Variants in DCC observed in about 807,000 individuals in gnomAD.
DCC encodes the protein DCC netrin 1 receptor.
Under a neutral mutation model 172.5 loss-of-function variants are expected in DCC, and 58 were observed. That is an observed-to-expected ratio of 0.34 (90% CI 0.27 to 0.42). The LOEUF (loss-of-function observed/expected upper bound fraction) is 0.42. Ranked by LOEUF, DCC falls within the 10% of genes least tolerant of loss-of-function variation. DCC has a pLI of 1.00. For missense variants in DCC, 1,740 were observed against 1,791.0 expected (o/e 0.97, Z 0.51); for synonymous variants, 709 against 644.5 (o/e 1.10, Z -1.52).
At chr18:52,658,927 G>A (rs140850140) in intron 1 of DCC, among the ~76,000 whole-genome samples, 340 of 152,258 alleles carry the variant, frequency 2.2e-3, no homozygotes, top group African/African-American at 7.8e-3. Context: ...ATCAGAATTT[G>A]TCATTCAATA....
chr18:53,519,730 A>G (rs1373652671), intron 27 of DCC, among the ~76,000 whole-genome samples: 2 of 151,586 alleles, frequency 1.3e-5, no homozygotes, highest in African/African-American at 2.4e-5. Context: ...GTTTAGGCCA[A>G]TTGTCAGTGT....
intron 25 of DCC, among the ~76,000 whole-genome samples, chr18:53,475,809 G>C (rs1192653126): frequency 1.3e-5 from 2 of 152,192 alleles, no homozygotes; most frequent in Non-Finnish European, 1.5e-5. Context: ...TCCAGACTCT[G>C]TAATGGTAGA....
chr18:52,954,654 C>T (rs1280411968), intron 5 of DCC, among the ~76,000 whole-genome samples: 1 of 152,044 alleles, frequency 6.6e-6, no homozygotes, highest in Non-Finnish European at 1.5e-5. Context: ...AAAGCTATTG[C>T]CAAATTTCTT....
chr18:53,048,633 A>T (rs1381533300), intron 5 of DCC, among the ~76,000 whole-genome samples: 1 of 149,920 alleles, frequency 6.7e-6, no homozygotes, highest in Non-Finnish European at 1.5e-5. Flanking sequence ...GATAAAGAAA[A>T]TGTGATATAT....
At chr18:53,507,079 T>C (rs2046189249) in intron 27 of DCC, among the ~76,000 whole-genome samples, 1 of 141,046 alleles carries the variant, frequency 7.1e-6, no homozygotes, top group African/African-American at 2.5e-5. Context: ...TATTCTCCCT[T>C]TCTCCTTTTT....
chr18:53,140,963 G>C (rs954143633), intron 7 of DCC, among the ~76,000 whole-genome samples: 21 of 152,108 alleles, frequency 1.4e-4, no homozygotes, highest in African/African-American at 5.1e-4. Flanking sequence ...AATAAACTCA[G>C]CGAGAAATTT....
At chr18:53,105,666 A>G (rs562745789) in intron 7 of DCC, among the ~76,000 whole-genome samples, 1 of 151,884 alleles carries the variant, frequency 6.6e-6, no homozygotes, top group Non-Finnish European at 1.5e-5. Context: ...TCACATTATA[A>G]GCTAAGTTAC....
chr18:52,870,890 C>T (rs1414696129), intron 2 of DCC, among the ~76,000 whole-genome samples: 1 of 152,108 alleles, frequency 6.6e-6, no homozygotes, highest in Non-Finnish European at 1.5e-5. Flanking sequence ...AGCTTCATAT[C>T]ACTTAGGCTC....
intron 16 of DCC, among the ~76,000 whole-genome samples, chr18:53,390,560 T>G (rs1018727635): frequency 2.6e-5 from 4 of 152,200 alleles, no homozygotes; most frequent in Non-Finnish European, 5.9e-5. Context: ...TCACATATTA[T>G]TTTTCTTAGA....
intron 1 of DCC, among the ~76,000 whole-genome samples, chr18:52,493,065 G>A (rs59089784): frequency 0.12 from 18,007 of 152,098 alleles, 1,129 homozygotes; most frequent in South Asian, 0.17. Context: ...ACATAAATGT[G>A]TCAGATTAGA....
At chr18:53,295,007 A>G (rs756204951) in intron 12 of DCC, among the ~76,000 whole-genome samples, 41 of 152,316 alleles carry the variant, frequency 2.7e-4, no homozygotes, top group Non-Finnish European at 2.9e-4. Context: ...TTAACAAAGT[A>G]ACATTTCTTG....
intron 12 of DCC, among the ~76,000 whole-genome samples, chr18:53,284,088 T>C (rs923220695): frequency 6.6e-6 from 1 of 152,176 alleles, no homozygotes; most frequent in Non-Finnish European, 1.5e-5. Flanking sequence ...AACCATTCAT[T>C]TGCACGTGGC....
intron 5 of DCC, among the ~76,000 whole-genome samples, chr18:52,992,263 C>T (rs774873718): frequency 1.3e-5 from 2 of 152,130 alleles, no homozygotes; most frequent in East Asian, 1.9e-4. Flanking sequence ...GGAGCTCCCC[C>T]AAGTGTTTGC....
At chr18:53,098,254 T>C (rs1372494102) in intron 7 of DCC, among the ~76,000 whole-genome samples, 2 of 152,256 alleles carry the variant, frequency 1.3e-5, no homozygotes, top group African/African-American at 4.8e-5. Context: ...GCAAGAATAC[T>C]ACAAAAGTTG....
chr18:53,430,469 A>T (rs1025623599), intron 21 of DCC, among the ~76,000 whole-genome samples: 1 of 152,154 alleles, frequency 6.6e-6, no homozygotes, highest in Non-Finnish European at 1.5e-5. Flanking sequence ...TCACACAGAA[A>T]AACTAGACTC....
chr18:53,417,451 T>TGA (rs1555668727), intron 21 of DCC, among the ~76,000 whole-genome samples: 1 of 151,902 alleles, frequency 6.6e-6, no homozygotes, highest in Non-Finnish European at 1.5e-5. Flanking sequence ...ATGAGATTTG[T>TGA]AAAAAATATT....
At chr18:52,369,633 T>C (rs1202496579) in intron 1 of DCC, among the ~76,000 whole-genome samples, 1 of 151,910 alleles carries the variant, frequency 6.6e-6, no homozygotes, top group Admixed American at 6.6e-5. Context: ...GTTACATTTA[T>C]TTTTTTCTTT....
intron 5 of DCC, among the ~76,000 whole-genome samples, chr18:52,960,117 A>G (rs2040818515): frequency 6.6e-6 from 1 of 152,026 alleles, no homozygotes. Context: ...CACACACAAT[A>G]TAGCTACTCA....
chr18:52,661,417 G>A (rs117896421), intron 1 of DCC, among the ~76,000 whole-genome samples: 1 of 152,334 alleles, frequency 6.6e-6, no homozygotes, highest in East Asian at 1.9e-4. Flanking sequence ...AGAAACAGTT[G>A]AGAGTGGGGC....
Sources: gnomAD v4.1 joint callset for allele counts (sites outside exome capture counted in the v4.1 genomes callset) on GRCh38, gnomAD v4.1.1 for gene constraint, MANE v1.5 for transcripts, NCBI Gene and HGNC (gene_info 2026-07-23, HGNC 2026-07-21) for gene names.